The following SPRED2 variants were observed in gnomAD, a reference collection of about 807,000 sequenced individuals.
SPRED2 encodes sprouty related EVH1 domain containing 2.
A neutral mutation model predicts 43.0 loss-of-function variants in SPRED2; 47 were observed. The observed-to-expected ratio is 1.09, with a 90% CI of 0.87 to 1.40. The LOEUF is 1.40. Among genes scored for constraint, SPRED2 ranks in the 40% most tolerant of loss-of-function variants. The pLI is 0.00. For synonymous variants in SPRED2, 225 were observed against 225.7 expected (o/e 1.00, Z 0.03); for missense variants, 561 against 586.4 (o/e 0.96, Z 0.45).
intron 4 of SPRED2, among the ~76,000 whole-genome samples, chr2:65,317,797 C>T (rs1673289173): frequency 6.6e-6 from 1 of 152,016 alleles, no homozygotes; most frequent in Non-Finnish European, 1.5e-5. Flanking sequence ...ACTTGGAGGT[C>T]ACTTTAAACT....
intron 1 of SPRED2, among the ~76,000 whole-genome samples, chr2:65,405,748 A>G (rs1355511206): frequency 6.6e-6 from 1 of 152,176 alleles, no homozygotes; most frequent in East Asian, 1.9e-4. Context: ...GAGCAAGTAT[A>G]GTAATTACAT....
At chr2:65,388,158 C>T (rs1451975602) in intron 1 of SPRED2, among the ~76,000 whole-genome samples, 1 of 152,244 alleles carries the variant, frequency 6.6e-6, no homozygotes, top group South Asian at 2.1e-4. Context: ...GCACATCACA[C>T]AGCCGCACAG....
At chr2:65,310,205 A>C (rs1380521463), downstream of SPRED2, among the ~76,000 whole-genome samples, 1 of 152,120 alleles carries the variant, frequency 6.6e-6, no homozygotes, top group Admixed American at 6.5e-5. Flanking sequence ...TAAAACTGAA[A>C]CGTTAACACT....
At chr2:65,326,984 G>A (rs1673641950) in intron 4 of SPRED2, among the ~76,000 whole-genome samples, 1 of 151,998 alleles carries the variant, frequency 6.6e-6, no homozygotes, top group African/African-American at 2.4e-5. Flanking sequence ...GGGACCACAG[G>A]AGCACATCAC....
At chr2:65,431,410 A>AC (rs1676688252) in intron 1 of SPRED2, among the ~76,000 whole-genome samples, 1 of 151,080 alleles carries the variant, frequency 6.6e-6, no homozygotes, top group Non-Finnish European at 1.5e-5. Context: ...GGCGCACCAG[A>AC]CCCCCGCGCA....
At chr2:65,391,204 AC>A (rs1675629022) in intron 1 of SPRED2, among the ~76,000 whole-genome samples, 1 of 148,348 alleles carries the variant, frequency 6.7e-6, no homozygotes, top group Admixed American at 6.7e-5. Context: ...GTACACACAC[AC>A]ACACACACAC....
chr2:65,426,892 C>A (rs1676569264), intron 1 of SPRED2, among the ~76,000 whole-genome samples: 1 of 152,176 alleles, frequency 6.6e-6, no homozygotes, highest in Non-Finnish European at 1.5e-5. Flanking sequence ...GTTGCATTTG[C>A]TAATATTCCC....
chr2:65,385,303 C>G (rs1675469179), intron 1 of SPRED2, among the ~76,000 whole-genome samples: 1 of 152,136 alleles, frequency 6.6e-6, no homozygotes, highest in Admixed American at 6.6e-5. Context: ...ACTTACAAAG[C>G]CTCTTATGAC....
intron 1 of SPRED2, among the ~76,000 whole-genome samples, chr2:65,398,672 C>T (rs1156669208): frequency 6.6e-6 from 1 of 152,016 alleles, no homozygotes; most frequent in Admixed American, 6.6e-5. Flanking sequence ...AATGAGATAC[C>T]ACCTCACTCC....
chr2:65,405,562 C>T lies in SPRED2; in HGVS notation c.26+26400G>A, dbSNP rs568102761. On this transcript the variant is annotated intron_variant, in intron 1 of 5. Transcript: ENST00000356388. ...CCAAACGAGCAGGACAAAACTCCCC[C>T]AATTAAGTCCAATACACACACCTGA... 7.2e-5 allele frequency among the ~76,000 whole-genome samples: 11 copies of T among 152,238 alleles called. No individual in the cohort carries two copies. In the South Asian group the frequency reaches 2.3e-3, roughly 32 times the overall value.
chr2:65,330,847 C>T (rs543646362), intron 4 of SPRED2, among the ~76,000 whole-genome samples: 1 of 152,262 alleles, frequency 6.6e-6, no homozygotes, highest in South Asian at 2.1e-4. Context: ...TGTATAAGCT[C>T]ACACGCTTGC....
At position 65,311,699 on chromosome 2, in the gene SPRED2, G is replaced by C; in HGVS notation, c.*1802C>G. The C allele has an allele frequency of 1.0e-6, 1 of 985,448 alleles. No homozygotes were observed. Among genetic ancestry groups the C allele is most frequent in the African/African-American group, 1.7e-5 (1 of 57,320 alleles). The allele number at this position is 985,448 out of a possible 1,614,324, so 61.0% of individuals were successfully genotyped here. A position where few individuals can be genotyped will look rare whatever the true frequency, so the allele number is the denominator to read the frequency against. ...AGCTCTCTGCTCCTTTTCCAAACTG[G>C]AAAGCCTAAACCAGTTACTCCAATG... On this transcript the variant is annotated 3_prime_UTR_variant, in exon 6 of 6. Coordinates refer to ENST00000356388, the MANE Select transcript of SPRED2 (RefSeq NM_181784.3).
chr2:65,430,832 T>A (rs553322020), intron 1 of SPRED2, among the ~76,000 whole-genome samples: 1 of 151,104 alleles, frequency 6.6e-6, no homozygotes, highest in African/African-American at 2.4e-5. Flanking sequence ...AGGGGAGGGA[T>A]ATCATGTGAC....
intron 1 of SPRED2, among the ~76,000 whole-genome samples, chr2:65,352,144 T>C (rs1268342900): frequency 6.6e-6 from 1 of 152,230 alleles, no homozygotes; most frequent in Non-Finnish European, 1.5e-5. Flanking sequence ...ATGCCCACAG[T>C]AGAAAGACTC....
At chr2:65,422,579 T>G (rs1676455113) in intron 1 of SPRED2, among the ~76,000 whole-genome samples, 1 of 152,174 alleles carries the variant, frequency 6.6e-6, no homozygotes, top group African/African-American at 2.4e-5. Flanking sequence ...CTCATTTATT[T>G]TATCCAATAC....
At chr2:65,348,997 T>C (rs1207440054) in intron 1 of SPRED2, among the ~76,000 whole-genome samples, 1 of 151,902 alleles carries the variant, frequency 6.6e-6, no homozygotes, top group Non-Finnish European at 1.5e-5. Flanking sequence ...GGATTCAACA[T>C]GCATATTCCC....
chr2:65,375,211 T>C (rs1675213349), intron 1 of SPRED2, among the ~76,000 whole-genome samples: 1 of 152,250 alleles, frequency 6.6e-6, no homozygotes, highest in African/African-American at 2.4e-5. Flanking sequence ...CATACTCATG[T>C]GTCAACATGG....
chr2:65,348,543 C>T lies in SPRED2; in HGVS notation c.27-3647G>A, dbSNP rs1311619249. 3.3e-5 allele frequency among the ~76,000 whole-genome samples: 5 copies of T among 152,128 alleles called. No individual in the cohort carries two copies. The East Asian group carries it at 9.6e-4, about 29-fold the overall frequency. ...GCAGGCTGGAAGCGGTGGCTCATGC[C>T]TGTAATCCCAGCACTTTGGGAGGCT... On this transcript the variant is annotated intron_variant, in intron 1 of 5. Coordinates refer to ENST00000356388, the MANE Select transcript of SPRED2 (RefSeq NM_181784.3).
chr2:65,425,601 A>G (rs1676538304), intron 1 of SPRED2, among the ~76,000 whole-genome samples: 1 of 152,230 alleles, frequency 6.6e-6, no homozygotes, highest in African/African-American at 2.4e-5. Flanking sequence ...GACATGGGAC[A>G]TATGTCAAGA....
Sources: allele counts gnomAD v4.1 joint callset (sites outside exome capture counted in the v4.1 genomes callset), GRCh38; gene constraint gnomAD v4.1.1; transcripts MANE v1.5; gene names NCBI Gene and HGNC (gene_info 2026-07-23, HGNC 2026-07-21).